KIFAP3: variants seen among roughly 807,000 people sequenced by gnomAD.
KIFAP3 encodes kinesin associated protein 3.
A neutral mutation model predicts 106.5 loss-of-function variants in KIFAP3; 68 were observed. The observed-to-expected ratio is 0.64, with a 90% confidence interval of 0.53 to 0.78. The LOEUF (loss-of-function observed/expected upper bound fraction) is 0.78, where lower values mean the gene tolerates loss of function less well. Among genes scored for constraint, KIFAP3 ranks in the 30% least tolerant of loss-of-function variants. KIFAP3 has a pLI of 0.00. For missense variants in KIFAP3, 780 were observed against 941.8 expected, an observed-to-expected ratio of 0.83 and a Z score of 2.25; for synonymous variants, 320 against 311.5, an observed-to-expected ratio of 1.03 and a Z score of -0.29.
intron 3 of KIFAP3, among the ~76,000 whole-genome samples, chr1:170,043,797 A>G (rs935171499): frequency 3.9e-5 from 6 of 152,222 alleles, no homozygotes; most frequent in African/African-American, 1.4e-4. Flanking sequence ...TTAGACAGTT[A>G]TTAAGAAATT....
chr1:170,055,535 T>A, intron 1 of KIFAP3, 99 bp from the exon 2 acceptor site: 1 of 848,796 alleles, frequency 1.2e-6, no homozygotes, highest in Non-Finnish European at 1.8e-6. Context: ...TGGATTAACA[T>A]GTGCATTTGA....
chr1:169,980,846 A>C (rs1364353551), intron 15 of KIFAP3, among the ~76,000 whole-genome samples: 1 of 152,202 alleles, frequency 6.6e-6, no homozygotes, highest in Non-Finnish European at 1.5e-5. Context: ...TCACGCCTGT[A>C]ATCTCAGCAC....
chr1:169,927,311 C>A (rs1663198341), intron 19 of KIFAP3, among the ~76,000 whole-genome samples: 2 of 152,174 alleles, frequency 1.3e-5, no homozygotes, highest in South Asian at 4.1e-4. Context: ...ATTGGAGGCA[C>A]CTAACATGGA....
chr1:169,980,351 A>C (rs1243471917), intron 15 of KIFAP3, among the ~76,000 whole-genome samples: 1 of 152,192 alleles, frequency 6.6e-6, no homozygotes, highest in Non-Finnish European at 1.5e-5. Flanking sequence ...ATCTCATATT[A>C]GCATTTTTAA....
intron 9 of KIFAP3, among the ~76,000 whole-genome samples, chr1:170,020,218 G>A (rs1378883754): frequency 6.6e-6 from 1 of 152,028 alleles, no homozygotes; most frequent in Non-Finnish European, 1.5e-5. Flanking sequence ...TCAATATATT[G>A]ATCCCCTCAA....
At chr1:169,986,696 T>C (rs1461161944) in intron 11 of KIFAP3, among the ~76,000 whole-genome samples, 2 of 152,018 alleles carry the variant, frequency 1.3e-5, no homozygotes, top group Admixed American at 6.6e-5. Flanking sequence ...AATTGCTATG[T>C]TTTCTAAACT....
intron 10 of KIFAP3, among the ~76,000 whole-genome samples, chr1:169,998,397 T>TACAC (rs1346595286): frequency 7.4e-4 from 58 of 77,924 alleles, no homozygotes; most frequent in Admixed American, 3.8e-3. Context: ...TATATATATA[T>TACAC]ATACACACAC....
chr1:169,955,355 A>C (rs1310755253), intron 18 of KIFAP3, among the ~76,000 whole-genome samples: 1 of 152,216 alleles, frequency 6.6e-6, no homozygotes, highest in Non-Finnish European at 1.5e-5. Context: ...CAAACACTTA[A>C]GATGCAATTA....
Position 169,983,375 on chromosome 1 carries a change from C to A in KIFAP3, c.1401G>T (p.Gly467=). The A allele has an allele frequency of 6.3e-7, 1 of 1,599,824 alleles. No individual in the cohort carries two copies. The highest frequency in any genetic ancestry group is 8.5e-7 in the Non-Finnish European group (1 of 1,172,036). ...RNVQLICEGN[G]LKMLMKRALK... ...GAGCCCTCTTCATGAGCATCTTCAG[C>A]CCATTTCCTGAAACAGAAAAGTCCC... Residue 467 remains glycine, a synonymous_variant, in exon 13 of 20, where the codon GGG becomes GGT. Coordinates refer to ENST00000361580, the MANE Select transcript of KIFAP3 (RefSeq NM_014970.4).
At chr1:170,057,709 T>G (rs1356064663) in intron 1 of KIFAP3, among the ~76,000 whole-genome samples, 1 of 152,006 alleles carries the variant, frequency 6.6e-6, no homozygotes, top group African/African-American at 2.4e-5. Context: ...ATGTCAGATA[T>G]TTAACTACTG....
At chr1:170,012,519 T>C (rs1040870162) in intron 10 of KIFAP3, among the ~76,000 whole-genome samples, 1 of 152,100 alleles carries the variant, frequency 6.6e-6, no homozygotes, top group Non-Finnish European at 1.5e-5. Context: ...TTTAAGAAAA[T>C]ACTTTAGAAA....
chr1:169,977,968 T>G, intron 16 of KIFAP3, 117 bp downstream of exon 16: 1 of 707,710 alleles, frequency 1.4e-6, no homozygotes, highest in Non-Finnish European at 2.4e-6. Flanking sequence ...TAAATTTATC[T>G]CAAAACTTAG....
chr1:170,006,639 T>C (rs1302456498), intron 10 of KIFAP3, among the ~76,000 whole-genome samples: 1 of 152,154 alleles, frequency 6.6e-6, no homozygotes, highest in East Asian at 1.9e-4. Flanking sequence ...AGGATAACTC[T>C]GCCAGTTTTG....
chr1:170,071,821 T>G (rs921549243), intron 1 of KIFAP3, among the ~76,000 whole-genome samples: 2 of 152,048 alleles, frequency 1.3e-5, no homozygotes, highest in African/African-American at 4.8e-5. Context: ...ACGAACTATA[T>G]CCAAACCACA....
At chr1:169,943,719 C>T (rs951534123) in intron 19 of KIFAP3, among the ~76,000 whole-genome samples, 4 of 151,970 alleles carry the variant, frequency 2.6e-5, no homozygotes, top group East Asian at 1.9e-4. Context: ...TCTTTCTTTC[C>T]ATTTAAATTT....
chr1:170,009,367 A>G (rs1668132719), intron 10 of KIFAP3, among the ~76,000 whole-genome samples: 1 of 152,172 alleles, frequency 6.6e-6, no homozygotes, highest in Non-Finnish European at 1.5e-5. Context: ...AATAAACTCA[A>G]AAATTCAGAA....
At chr1:170,008,206 TG>T (rs1254953216) in intron 10 of KIFAP3, among the ~76,000 whole-genome samples, 1 of 151,618 alleles carries the variant, frequency 6.6e-6, no homozygotes, top group Non-Finnish European at 1.5e-5. Flanking sequence ...GACATAGACA[TG>T]GGCAAAGACT....
intron 10 of KIFAP3, among the ~76,000 whole-genome samples, chr1:170,012,761 A>G (rs1432117453): frequency 1.3e-5 from 2 of 152,088 alleles, no homozygotes; most frequent in African/African-American, 2.4e-5. Flanking sequence ...ATTTATAAAG[A>G]AAAAAAGACT....
chr1:169,960,759 A>G (rs1665281841), intron 18 of KIFAP3, among the ~76,000 whole-genome samples: 1 of 152,138 alleles, frequency 6.6e-6, no homozygotes, highest in African/African-American at 2.4e-5. Flanking sequence ...AGAAATCTTG[A>G]AGTTGTCCAT....
Sources: allele counts gnomAD v4.1 joint callset (sites outside exome capture counted in the v4.1 genomes callset), GRCh38; gene constraint gnomAD v4.1.1; transcripts MANE v1.5; gene names NCBI Gene and HGNC (gene_info 2026-07-23, HGNC 2026-07-21).